TM4SF18: variants seen among roughly 807,000 people sequenced by gnomAD.
The protein encoded by TM4SF18 is transmembrane 4 L6 family member 18.
In TM4SF18, 22 loss-of-function variants were observed where a neutral mutation model predicts 23.8. The observed-to-expected ratio is 0.92, with a 90% CI of 0.66 to 1.32. The LOEUF is 1.32. Ranked by LOEUF, TM4SF18 falls within the 40% of genes most tolerant of loss-of-function variation. The pLI is 0.00. For missense variants in TM4SF18, 255 were observed against 240.3 expected (o/e 1.06, Z -0.41); for synonymous variants, 87 against 87.9 (o/e 0.99, Z 0.06).
At position 149,333,285 on chromosome 3, in the gene TM4SF18, C is replaced by A. The variant is rs746659565; in HGVS notation, c.98G>T (p.Gly33Val). ...ATTGCTGGATGCATAGGAAGTTTGC[C>A]CATTCGGGAAATACAATAATATGTT... ...IVNILLYFPN[G>V]QTSYASSNKL... The change falls in exon 2 of 6, where the codon GGG becomes GTG. Residue 33 changes from glycine (G) to valine (V), a missense_variant. Gly to Val is a moderately radical substitution (Grantham distance 109). Coordinates refer to ENST00000296059, the MANE Select transcript of TM4SF18 (RefSeq NM_138786.4). The A allele has an allele frequency of 6.2e-7, 1 of 1,613,856 alleles. No individual in the cohort carries two copies. Among genetic ancestry groups the A allele is most frequent in the Non-Finnish European group, 8.5e-7 (1 of 1,179,908 alleles).
rs1730780302 is a variant in TM4SF18, at chr3:149,320,479, C to T, written c.*999G>A. 1 of 152,200 alleles carries T rather than the reference C, an allele frequency of 6.6e-6. No homozygotes were observed. The highest frequency in any genetic ancestry group is 1.9e-4 in the East Asian group (1 of 5,202). 9.4% of individuals were successfully genotyped at this position (152,200 alleles called of 1,614,324 possible). On this transcript the variant is annotated 3_prime_UTR_variant, in exon 6 of 6. Transcript: ENST00000296059. Reference sequence around the variant, plus strand: ...ATTGACTGGTCAGTGGTCATTTTCTCTTGCCCATTGAGCATGTTCCCTAGC... The same window carrying T: ...ATTGACTGGTCAGTGGTCATTTTCTTTTGCCCATTGAGCATGTTCCCTAGC...
intron 3 of TM4SF18, among the ~76,000 whole-genome samples, chr3:149,325,331 T>C (rs1403440481): frequency 6.6e-6 from 1 of 152,186 alleles, no homozygotes; most frequent in Non-Finnish European, 1.5e-5. Flanking sequence ...AAGGATGTGA[T>C]CAATCAACCC....
rs1730740975 is a variant in TM4SF18, at chr3:149,319,059, A to T, written c.*2419T>A. ...AAAATTTAATTTTCCTGATAGAGGTATCATGCTGCATTTGGCTGTACCCCT... is the reference window on the plus strand; with the variant it reads ...AAAATTTAATTTTCCTGATAGAGGTTTCATGCTGCATTTGGCTGTACCCCT... On this transcript the variant is annotated 3_prime_UTR_variant, in exon 6 of 6. Coordinates refer to ENST00000296059, the MANE Select transcript of TM4SF18 (RefSeq NM_138786.4). The T allele has an allele frequency of 6.6e-6, 1 of 152,198 alleles. No homozygotes were observed. Among genetic ancestry groups the T allele is most frequent in the Admixed American group, 6.5e-5 (1 of 15,280 alleles). The allele number at this position is 152,198 out of a possible 1,614,324, so 9.4% of individuals were successfully genotyped here. A position where few individuals can be genotyped will look rare whatever the true frequency, so the allele number is the denominator to read the frequency against.
intron 3 of TM4SF18, among the ~76,000 whole-genome samples, chr3:149,325,600 G>A (rs1018062816): frequency 6.6e-6 from 1 of 152,166 alleles, no homozygotes. Flanking sequence ...TTGTGAGAAA[G>A]TAGGTTTAAT....
chr3:149,322,311 C>T lies in TM4SF18; in HGVS notation c.536G>A (p.Arg179Lys), dbSNP rs376244263. 2 of 1,613,966 alleles carry T rather than the reference C, an allele frequency of 1.2e-6. No individual in the cohort carries two copies. The highest frequency in any genetic ancestry group is 2.7e-5 in the African/African-American group (2 of 74,904). ...TATCTTGGATAGTTGCATGACTACT[C>T]TGATGAGGCAGATGATCACTTGAAG... is the stretch of plus-strand genomic sequence containing the variant. ...SGLQVIICLI[R>K]VVMQLSKILC... The change falls in exon 5 of 6, where the codon AGA (arginine) becomes AAA (lysine). Residue 179 changes from arginine (R) to lysine (K), a missense_variant. Transcript: ENST00000296059.
intron 3 of TM4SF18, among the ~76,000 whole-genome samples, chr3:149,328,107 T>C (rs1415497879): frequency 6.6e-6 from 1 of 152,156 alleles, no homozygotes; most frequent in Non-Finnish European, 1.5e-5. Flanking sequence ...AAAACCAGAC[T>C]CCATGCAGGA....
At chr3:149,330,264 T>A (rs1731060726) in intron 3 of TM4SF18, 66 bp downstream of exon 3, 2 of 1,085,744 alleles carry the variant, frequency 1.8e-6, no homozygotes, top group East Asian at 4.8e-5. Flanking sequence ...TATTTTTGTG[T>A]TTCTGAGTGA....
At chr3:149,325,213 C>T (rs765365251) in intron 3 of TM4SF18, among the ~76,000 whole-genome samples, 191 bp from the exon 4 acceptor site, 1 of 151,728 alleles carries the variant, frequency 6.6e-6, no homozygotes, top group East Asian at 1.9e-4. Context: ...TTTTAAATAA[C>T]GTTTAGTTTG....
chr3:149,332,514 C>T (rs1205904779), intron 2 of TM4SF18, among the ~76,000 whole-genome samples: 2 of 152,168 alleles, frequency 1.3e-5, no homozygotes, highest in Non-Finnish European at 2.9e-5. Context: ...ATTCAATTTA[C>T]TTTTCAAAAA....
intron 4 of TM4SF18, among the ~76,000 whole-genome samples, chr3:149,323,723 T>C (rs1385521832): frequency 6.6e-6 from 1 of 152,170 alleles, no homozygotes; most frequent in Non-Finnish European, 1.5e-5. Flanking sequence ...GTTTGAACAA[T>C]ATGAAATCAG....
chr3:149,321,076 A>G lies in TM4SF18; in HGVS notation c.*402T>C, dbSNP rs1400652504. 1 of 155,082 alleles carries G rather than the reference A, an allele frequency of 6.4e-6. No individual in the cohort carries two copies. Among genetic ancestry groups the G allele is most frequent in the African/African-American group, 2.4e-5 (1 of 41,582 alleles). The allele number at this position is 155,082 out of a possible 1,614,324, so 9.6% of individuals were successfully genotyped here. ...TTTAATTTTTTTTTTAATATCAGAA[A>G]ACATTTACAGTATGTACCACTCTTT... On this transcript the variant is annotated 3_prime_UTR_variant, in exon 6 of 6. Transcript: ENST00000296059.
intron 3 of TM4SF18, 139 bp downstream of exon 3, chr3:149,330,191 C>G: frequency 2.4e-6 from 1 of 424,140 alleles, no homozygotes; most frequent in Admixed American, 4.4e-5. Flanking sequence ...GGAAGATGAT[C>G]TTGGCAGTAA....
chr3:149,319,118 A>G lies in TM4SF18; in HGVS notation c.*2360T>C, dbSNP rs1352985831. The G allele has an allele frequency of 6.6e-6, 1 of 152,228 alleles. No homozygotes were observed. The highest frequency in any genetic ancestry group is 1.9e-4 in the East Asian group (1 of 5,200). 9.4% of individuals were successfully genotyped at this position (152,228 alleles called of 1,614,324 possible). On this transcript the variant is annotated 3_prime_UTR_variant, in exon 6 of 6. Coordinates refer to ENST00000296059, the MANE Select transcript of TM4SF18 (RefSeq NM_138786.4). ...CAATGCTGTGGTGGAGTCATTCAGC[A>G]AACATCTATTAACAGTCCATTCAAC...
At chr3:149,327,124 A>G (rs533496943) in intron 3 of TM4SF18, among the ~76,000 whole-genome samples, 1 of 152,056 alleles carries the variant, frequency 6.6e-6, no homozygotes, top group East Asian at 1.9e-4. Context: ...TCATTTTTGT[A>G]TTTTTAGTAG....
At position 149,320,472 on chromosome 3, in the gene TM4SF18, A is replaced by G. The variant is rs1415804255; in HGVS notation, c.*1006T>C. Reference sequence around the variant, plus strand: ...CACAGGTATTGACTGGTCAGTGGTCATTTTCTCTTGCCCATTGAGCATGTT... The same window carrying G: ...CACAGGTATTGACTGGTCAGTGGTCGTTTTCTCTTGCCCATTGAGCATGTT... On this transcript the variant is annotated 3_prime_UTR_variant, in exon 6 of 6. Coordinates refer to ENST00000296059, the MANE Select transcript of TM4SF18 (RefSeq NM_138786.4). The G allele has an allele frequency of 6.6e-6, 1 of 152,110 alleles. No homozygotes were observed. The highest frequency in any genetic ancestry group is 6.5e-5 in the Admixed American group (1 of 15,270). The allele number at this position is 152,110 out of a possible 1,614,324, so 9.4% of individuals were successfully genotyped here.
Position 149,321,352 on chromosome 3 carries a change from T to G in TM4SF18, c.*126A>C, listed in dbSNP as rs1402921778. On this transcript the variant is annotated 3_prime_UTR_variant, in exon 6 of 6. Transcript: ENST00000296059. ...TTGCATGTGCAGTGAGGACTGCAAA[T>G]TTTTTACAAATAAACACCAAATGCA... The G allele has an allele frequency of 4.2e-6, 3 of 709,714 alleles. No homozygotes were observed. The highest frequency in any genetic ancestry group is 5.8e-5 in the East Asian group (2 of 34,488). 44.0% of individuals were successfully genotyped at this position (709,714 alleles called of 1,614,324 possible). A position where few individuals can be genotyped will look rare whatever the true frequency, so the allele number is the denominator to read the frequency against.
rs1327571769 is a variant in TM4SF18, at chr3:149,321,444, C to A, written c.*34G>T. ...TTGATATAATATTTAGATAGATGGC[C>A]ATGTCTTGATAATGGAAAACATTTT... On this transcript the variant is annotated 3_prime_UTR_variant, in exon 6 of 6. Coordinates refer to ENST00000296059, the MANE Select transcript of TM4SF18 (RefSeq NM_138786.4). The A allele has an allele frequency of 2.0e-6, 3 of 1,505,492 alleles. No individual in the cohort carries two copies. The South Asian group carries it at 3.8e-5, about 19-fold the overall frequency. The allele number at this position is 1,505,492 out of a possible 1,614,324, so 93.3% of individuals were successfully genotyped here. A position where few individuals can be genotyped will look rare whatever the true frequency, so the allele number is the denominator to read the frequency against.
intron 3 of TM4SF18, among the ~76,000 whole-genome samples, chr3:149,328,192 T>G (rs1238775307): frequency 2.0e-5 from 3 of 152,212 alleles, no homozygotes; most frequent in Non-Finnish European, 2.9e-5. Flanking sequence ...AATTTTATTA[T>G]TCACACTTCT....
At chr3:149,327,009 G>A (rs1425469395) in intron 3 of TM4SF18, among the ~76,000 whole-genome samples, 1 of 152,168 alleles carries the variant, frequency 6.6e-6, no homozygotes, top group African/African-American at 2.4e-5. Flanking sequence ...GGAGTGCAGG[G>A]CCTGATCATG....
Sources: gnomAD v4.1 joint callset for allele counts (sites outside exome capture counted in the v4.1 genomes callset) on GRCh38, gnomAD v4.1.1 for gene constraint, MANE v1.5 for transcripts, NCBI Gene and HGNC (gene_info 2026-07-23, HGNC 2026-07-21) for gene names.